Variants in RASAL2 observed in about 807,000 individuals in gnomAD.
RASAL2 encodes the protein ras GTPase-activating protein nGAP.
RASAL2 carries 58 observed loss-of-function variants against 128.9 expected under a neutral mutation model. The ratio of observed to expected loss-of-function variants is 0.45; its 90% CI spans 0.36 to 0.56. The LOEUF (loss-of-function observed/expected upper bound fraction) is 0.56, where lower values mean the gene tolerates loss of function less well. Among genes scored for constraint, RASAL2 ranks in the 20% least tolerant of loss-of-function variants. The pLI, the probability that RASAL2 is intolerant of heterozygous loss-of-function variation, is 0.00. For synonymous variants in RASAL2, 561 were observed against 580.8 expected (o/e 0.97, Z 0.49); for missense variants, 1,360 against 1,601.6 (o/e 0.85, Z 2.57).
At chr1:178,319,083 G>T (rs1668627430) in intron 3 of RASAL2, among the ~76,000 whole-genome samples, 1 of 152,046 alleles carries the variant, frequency 6.6e-6, no homozygotes, top group Non-Finnish European at 1.5e-5. Flanking sequence ...GAAATTCTGG[G>T]TTGAAAATTC....
At chr1:178,470,348 C>G (rs922528436) in intron 17 of RASAL2, among the ~76,000 whole-genome samples, 1 of 152,204 alleles carries the variant, frequency 6.6e-6, no homozygotes, top group Admixed American at 6.5e-5. Context: ...GCCTCTGCCT[C>G]TTTTTGAGTC....
At chr1:178,350,276 A>G (rs1273239799) in intron 3 of RASAL2, among the ~76,000 whole-genome samples, 3 of 152,146 alleles carry the variant, frequency 2.0e-5, no homozygotes, top group Admixed American at 6.5e-5. Flanking sequence ...TGGAGTGTGC[A>G]GTGGCATGAT....
chr1:178,208,193 A>G (rs886540434), intron 1 of RASAL2, among the ~76,000 whole-genome samples: 6 of 152,202 alleles, frequency 3.9e-5, no homozygotes, highest in African/African-American at 1.4e-4. Context: ...TTTTTAGGGA[A>G]CAAGGGAAGA....
At position 178,094,944 on chromosome 1, in the gene RASAL2, C is replaced by T. The variant is rs759615953; in HGVS notation, c.202+250C>T. Among the ~76,000 whole-genome samples, 3 of 152,126 alleles carry T rather than the reference C, an allele frequency of 2.0e-5. No homozygotes were observed. The East Asian group carries it at 5.8e-4, about 29-fold the overall frequency. On this transcript the variant is annotated intron_variant, in intron 1 of 17. Coordinates refer to ENST00000367649, the MANE Select transcript of RASAL2 (RefSeq NM_170692.4). ...AGTTTAATGCGGGAGTTGGGCTATC[C>T]AAGACGTAATTCTTAGGCGATTACT...
chr1:178,198,197 T>A (rs936804217), intron 1 of RASAL2, among the ~76,000 whole-genome samples: 1 of 152,184 alleles, frequency 6.6e-6, no homozygotes, highest in Non-Finnish European at 1.5e-5. Context: ...TGATTTATAA[T>A]CCTTTGGGTA....
chr1:178,094,956 C>T (rs1558050031), intron 1 of RASAL2, among the ~76,000 whole-genome samples: 1 of 152,134 alleles, frequency 6.6e-6, no homozygotes, highest in Non-Finnish European at 1.5e-5. Flanking sequence ...AGACGTAATT[C>T]TTAGGCGATT....
chr1:178,307,692 T>C (rs1668058710), intron 3 of RASAL2, among the ~76,000 whole-genome samples: 1 of 152,222 alleles, frequency 6.6e-6, no homozygotes. Flanking sequence ...TGTGCATTTA[T>C]GGAAGAAAAT....
Position 178,458,490 on chromosome 1 carries a change from C to T in RASAL2, c.3198C>T (p.Ser1066=), listed in dbSNP as rs1186460459. 1 of 1,613,922 alleles carries T rather than the reference C, an allele frequency of 6.2e-7. No individual in the cohort carries two copies. The highest frequency in any genetic ancestry group is 2.2e-5 in the East Asian group (1 of 44,860). Residue 1066 remains serine, a synonymous_variant, in exon 14 of 18, where the codon TCC becomes TCT. Transcript: ENST00000367649. ...GGTCCCGGCAGCAGTCCTCTTCCTC[C>T]AGAGAGAGCCCTGTTCCCAAAGTTA... ...GSRSRQQSSS[S]RESPVPKVRA...
At chr1:178,402,396 T>G (rs1673691316) in intron 4 of RASAL2, among the ~76,000 whole-genome samples, 1 of 151,120 alleles carries the variant, frequency 6.6e-6, no homozygotes, top group Admixed American at 6.6e-5. Flanking sequence ...AGAGCGAGAC[T>G]TCATCTAAAA....
At chr1:178,237,641 A>G (rs1424977751) in intron 1 of RASAL2, among the ~76,000 whole-genome samples, 3 of 152,162 alleles carry the variant, frequency 2.0e-5, no homozygotes, top group Non-Finnish European at 4.4e-5. Flanking sequence ...TTTGTTTAAC[A>G]GCTTTTTTGA....
chr1:178,157,536 G>A (rs1164740389), intron 1 of RASAL2, among the ~76,000 whole-genome samples: 1 of 152,196 alleles, frequency 6.6e-6, no homozygotes, highest in Non-Finnish European at 1.5e-5. Flanking sequence ...TCCCAAGGCT[G>A]CAGGGAGTTG....
intron 4 of RASAL2, among the ~76,000 whole-genome samples, chr1:178,399,716 G>A (rs1673491531): frequency 6.6e-6 from 1 of 152,194 alleles, no homozygotes; most frequent in South Asian, 2.1e-4. Flanking sequence ...ATAATAGTAC[G>A]TTTAATGACA....
chr1:178,442,683 C>T lies in RASAL2; in HGVS notation c.936C>T (p.Cys312=). The T allele has an allele frequency of 6.2e-7, 1 of 1,602,142 alleles. No individual in the cohort carries two copies. The highest frequency in any genetic ancestry group is 1.1e-5 in the South Asian group (1 of 89,712). ...RRTVQPNKDN[C]RRAENVLRLW... Reference sequence around the variant, plus strand: ...TTGTTGCCTCTTTATAGGACAATTGCAGGCGAGCTGAAAATGTTCTTCGTT... The same window carrying T: ...TTGTTGCCTCTTTATAGGACAATTGTAGGCGAGCTGAAAATGTTCTTCGTT... The change falls in exon 8 of 18, where the codon TGC becomes TGT. Residue 312 remains cysteine, a synonymous_variant. Coordinates refer to ENST00000367649, the MANE Select transcript of RASAL2 (RefSeq NM_170692.4).
chr1:178,444,092 G>A (rs73037535), intron 8 of RASAL2, among the ~76,000 whole-genome samples: 10,433 of 152,040 alleles, frequency 0.069, 1,145 homozygotes, highest in African/African-American at 0.23. Context: ...ATAATCTTGG[G>A]CATTCTGTCA....
chr1:178,234,600 G>T (rs908507770), intron 1 of RASAL2, among the ~76,000 whole-genome samples: 5 of 152,066 alleles, frequency 3.3e-5, no homozygotes, highest in African/African-American at 1.2e-4. Context: ...TTAACTGATT[G>T]CCTTAAAAAT....
chr1:178,428,182 G>C (rs937708433), intron 5 of RASAL2, among the ~76,000 whole-genome samples: 3 of 151,914 alleles, frequency 2.0e-5, no homozygotes, highest in African/African-American at 7.3e-5. Flanking sequence ...TTCAGCCATT[G>C]AAAGACGTTT....
intron 3 of RASAL2, among the ~76,000 whole-genome samples, chr1:178,312,791 A>G (rs761672757): frequency 6.6e-6 from 1 of 152,238 alleles, no homozygotes; most frequent in African/African-American, 2.4e-5. Flanking sequence ...AACAATAAGC[A>G]TATAGATATC....
intron 1 of RASAL2, among the ~76,000 whole-genome samples, chr1:178,202,468 C>T (rs1442974761): frequency 6.6e-6 from 1 of 152,246 alleles, no homozygotes; most frequent in African/African-American, 2.4e-5. Flanking sequence ...CTTTCTAGGA[C>T]ATCCCTGGAG....
At chr1:178,382,828 A>G (rs1188609541) in intron 3 of RASAL2, among the ~76,000 whole-genome samples, 1 of 152,204 alleles carries the variant, frequency 6.6e-6, no homozygotes, top group Non-Finnish European at 1.5e-5. Context: ...CATCATCATC[A>G]TTAAGATACC....
Sources: allele counts gnomAD v4.1 joint callset (sites outside exome capture counted in the v4.1 genomes callset), GRCh38; gene constraint gnomAD v4.1.1; transcripts MANE v1.5; gene names NCBI Gene and HGNC (gene_info 2026-07-23, HGNC 2026-07-21).